SKOR2: variants seen among roughly 807,000 people sequenced by gnomAD.
SKOR2 encodes SKI family transcriptional corepressor 2, also known as LBX1 corepressor 1-like protein.
A neutral mutation model predicts 69.1 loss-of-function variants in SKOR2; 47 were observed. That is an observed-to-expected ratio of 0.68 (90% CI 0.54 to 0.87). The LOEUF is 0.87. Among genes scored for constraint, SKOR2 ranks in the 40% least tolerant of loss-of-function variants. The pLI, the probability that SKOR2 is intolerant of heterozygous loss-of-function variation, is 0.00. For synonymous variants in SKOR2, 717 were observed against 672.6 expected (o/e 1.07, Z -1.02); for missense variants, 1,404 against 1,472.2 (o/e 0.95, Z 0.76).
chr18:47,238,316 T>C (rs2064234045), intron 4 of SKOR2, among the ~76,000 whole-genome samples: 1 of 138,262 alleles, frequency 7.2e-6, no homozygotes. Context: ...TTTTCTTTTC[T>C]TTTCTTTTTT....
At position 47,249,250 on chromosome 18, in the gene SKOR2, G is replaced by A; in HGVS notation, c.-47-20C>T. 6.8e-7 allele frequency: 1 copy of A among 1,473,192 alleles called. No homozygotes were observed. Among genetic ancestry groups the A allele is most frequent in the Non-Finnish European group, 9.0e-7 (1 of 1,115,968 alleles). 91.3% of individuals were successfully genotyped at this position (1,473,192 alleles called of 1,614,324 possible). A position where few individuals can be genotyped will look rare whatever the true frequency, so the allele number is the denominator to read the frequency against. On this transcript the variant is annotated intron_variant, in intron 1 of 8. Coordinates refer to ENST00000425639, the MANE Select transcript of SKOR2 (RefSeq NM_001278063.4). ...TGGACACTGGAAGGGAAAGGAGAAA[G>A]CGTTGACTTGAGCCTTTTCAGACTA...
intron 4 of SKOR2, among the ~76,000 whole-genome samples, chr18:47,232,429 A>T (rs1172206135): frequency 6.6e-6 from 1 of 152,236 alleles, no homozygotes; most frequent in Non-Finnish European, 1.5e-5. Flanking sequence ...GGCAATCAGA[A>T]TTTTTAAAAA....
At position 47,231,959 on chromosome 18, in the gene SKOR2, G is replaced by C. The variant is rs1394469333; in HGVS notation, c.2753-959C>G. On this transcript the variant is annotated intron_variant, in intron 4 of 8. Transcript: ENST00000425639. The stretch of plus-strand genomic sequence containing the variant: ...AGTTCGAGACCAACCTGGGTAACAT[G>C]GCAAAACCTTGTCCCTACAAAAATA... 3.3e-5 allele frequency among the ~76,000 whole-genome samples: 5 copies of C among 152,048 alleles called. No individual in the cohort carries two copies. The East Asian group carries it at 9.7e-4, about 29-fold the overall frequency.
chr18:47,221,335 C>T (rs1183113220), intron 6 of SKOR2, among the ~76,000 whole-genome samples: 3 of 152,276 alleles, frequency 2.0e-5, no homozygotes, highest in African/African-American at 7.2e-5. Context: ...GAGAGAAGAG[C>T]TGTCATTCAT....
chr18:47,235,841 G>T (rs1161674223), intron 4 of SKOR2, among the ~76,000 whole-genome samples: 5 of 141,404 alleles, frequency 3.5e-5, no homozygotes, highest in Non-Finnish European at 6.1e-5. Context: ...CAAGGTACTA[G>T]AATAATTACT....
chr18:47,250,850 C>T (rs1380785205), intron 1 of SKOR2, among the ~76,000 whole-genome samples: 1 of 152,168 alleles, frequency 6.6e-6, no homozygotes, highest in Non-Finnish European at 1.5e-5. Context: ...TCTGATACAA[C>T]CAACACTAGC....
chr18:47,247,284 C>T lies in SKOR2; in HGVS notation c.1900G>A (p.Glu634Lys). ...FRPVGGKDDA[E>K]SLAKLHGASA... ...GCCCCGTGCAGCTTGGCCAGGCTCT[C>T]CGCGTCGTCCTTGCCGCCCACTGGC... is the stretch of plus-strand genomic sequence containing the variant. The change falls in exon 2 of 9, where the codon GAG becomes AAG. Residue 634 changes from glutamate (E) to lysine (K), a missense_variant. Transcript: ENST00000425639. This position sits in a 1 kb window ranked among gnomAD's most constrained non-coding sequence, Gnocchi z 6.6. 2.7e-6 allele frequency: 4 copies of T among 1,482,592 alleles called. No homozygotes were observed. Among genetic ancestry groups the T allele is most frequent in the Non-Finnish European group, 3.6e-6 (4 of 1,122,356 alleles). The allele number at this position is 1,482,592 out of a possible 1,614,324, so 91.8% of individuals were successfully genotyped here.
At chr18:47,240,407 G>A (rs544643879) in intron 4 of SKOR2, among the ~76,000 whole-genome samples, 4 of 152,252 alleles carry the variant, frequency 2.6e-5, no homozygotes, top group Admixed American at 6.5e-5. Context: ...TTATATTTTT[G>A]AGTAGGTAAT....
chr18:47,219,732 C>G (rs988427938), intron 7 of SKOR2, among the ~76,000 whole-genome samples: 1 of 152,146 alleles, frequency 6.6e-6, no homozygotes, highest in Non-Finnish European at 1.5e-5. Flanking sequence ...TCTATTAACA[C>G]ATGGTAGGTA....
chr18:47,213,819 C>T (rs1190217622), intron 7 of SKOR2, among the ~76,000 whole-genome samples: 1 of 152,058 alleles, frequency 6.6e-6, no homozygotes, highest in Non-Finnish European at 1.5e-5. Flanking sequence ...ACACAGGGAC[C>T]TACTCCAGTT....
rs1334671243 is a variant in SKOR2, at chr18:47,247,264, G to C, written c.1920C>G (p.His640Gln). Residue 640 changes from histidine to glutamine, a missense_variant, in exon 2 of 9, where the codon CAC becomes CAG. Physicochemically the swap from His to Gln is conservative, Grantham distance 24 (BLOSUM62 0). Around this residue, in one of 3 missense-constraint regions of SKOR2, gnomAD observed 1,266 missense variants for 1,309.9 expected, o/e 0.97. Transcript: ENST00000425639. This position sits in a 1 kb window ranked among gnomAD's most constrained non-coding sequence, Gnocchi z 6.6. ...KDDAESLAKLHGASAGAPHSA... is the reference protein window; with the variant it reads ...KDDAESLAKLQGASAGAPHSA... ...AGTGGGGCGCGCCCGCCGACGCCCC[G>C]TGCAGCTTGGCCAGGCTCTCCGCGT... 6.8e-7 allele frequency: 1 copy of C among 1,480,714 alleles called. No individual in the cohort carries two copies. Among genetic ancestry groups the C allele is most frequent in the Admixed American group, 2.3e-5 (1 of 44,192 alleles). The allele number at this position is 1,480,714 out of a possible 1,614,324, so 91.7% of individuals were successfully genotyped here. A position where few individuals can be genotyped will look rare whatever the true frequency, so the allele number is the denominator to read the frequency against.
chr18:47,246,364 T>C (rs1179883369), intron 2 of SKOR2, among the ~76,000 whole-genome samples: 1 of 152,176 alleles, frequency 6.6e-6, no homozygotes, highest in African/African-American at 2.4e-5. Context: ...CCAAAGCCTT[T>C]GAAAGGCGTT....
intron 4 of SKOR2, among the ~76,000 whole-genome samples, chr18:47,237,754 G>C (rs913168023): frequency 6.7e-6 from 1 of 149,062 alleles, no homozygotes; most frequent in Non-Finnish European, 1.5e-5. Flanking sequence ...CTGGAGTGCA[G>C]TGGTGTGAAC....
chr18:47,222,445 C>T (rs1272138284), intron 6 of SKOR2, among the ~76,000 whole-genome samples: 1 of 152,100 alleles, frequency 6.6e-6, no homozygotes, highest in African/African-American at 2.4e-5. Context: ...AACAATTAGG[C>T]GAAAGGTACC....
intron 6 of SKOR2, among the ~76,000 whole-genome samples, chr18:47,227,377 G>A (rs1409893754): frequency 9.3e-6 from 1 of 107,006 alleles, no homozygotes; most frequent in Non-Finnish European, 1.7e-5. Context: ...TCCCTGTGTT[G>A]TCCAGGCTGG....
chr18:47,231,212 G>A, intron 4 of SKOR2: 1 of 1,517,522 alleles, frequency 6.6e-7, no homozygotes. Flanking sequence ...AGCCTGCCTG[G>A]CCTGTGATGG....
rs75899679 is a variant in SKOR2 at position 47,242,245 on chromosome 18, C to A, written c.2752+2663G>T. Among the ~76,000 whole-genome samples the A allele has an allele frequency of 7.2e-5, 11 of 152,186 alleles. No individual in the cohort carries two copies. In the East Asian group the frequency reaches 1.9e-3, roughly 27 times the overall value. On this transcript the variant is annotated intron_variant, in intron 4 of 8. Coordinates refer to ENST00000425639, the MANE Select transcript of SKOR2 (RefSeq NM_001278063.4). ...CAGAGGAAGATGAAAGAGAGAAATT[C>A]AGTTTTTAACAAATATACAGAGACT...
chr18:47,215,774 C>T (rs372054576), intron 7 of SKOR2, among the ~76,000 whole-genome samples: 5 of 152,162 alleles, frequency 3.3e-5, no homozygotes, highest in African/African-American at 4.8e-5. Flanking sequence ...CCCATCAACA[C>T]GCCTTGTGGT....
At chr18:47,207,174 A>G (rs2064115587) in intron 8 of SKOR2, among the ~76,000 whole-genome samples, 1 of 152,184 alleles carries the variant, frequency 6.6e-6, no homozygotes, top group African/African-American at 2.4e-5. Flanking sequence ...AGGGGCAGAC[A>G]GAATTTCATG....
Sources: allele counts gnomAD v4.1 joint callset (sites outside exome capture counted in the v4.1 genomes callset), GRCh38; gene constraint gnomAD v4.1.1; regional missense constraint gnomAD v4.1.1; non-coding constraint Gnocchi (gnomAD v3.1); transcripts MANE v1.5; gene names NCBI Gene and HGNC (gene_info 2026-07-23, HGNC 2026-07-21).